Variants in DCDC1 observed in about 807,000 individuals in gnomAD.
DCDC1 encodes the protein doublecortin domain containing 1, also known as doublecortin domain-containing protein 1.
A neutral mutation model predicts 178.3 loss-of-function variants in DCDC1; 200 were observed. The ratio of observed to expected loss-of-function variants is 1.12; its 90% CI spans 1.00 to 1.26. DCDC1 has a LOEUF of 1.26. Among genes scored for constraint, DCDC1 ranks in the 50% most tolerant of loss-of-function variants. The pLI is 0.00. For missense variants in DCDC1, 1,983 were observed against 1,749.2 expected, an observed-to-expected ratio of 1.13 and a Z score of -2.38; for synonymous variants, 690 against 604.8, an observed-to-expected ratio of 1.14 and a Z score of -2.07.
intron 9 of DCDC1, among the ~76,000 whole-genome samples, chr11:31,144,220 C>T (rs1244056811): frequency 2.6e-5 from 4 of 152,068 alleles, no homozygotes; most frequent in Non-Finnish European, 4.4e-5. Context: ...CTGCAACCTC[C>T]GCCTCCCAGG....
intron 20 of DCDC1, among the ~76,000 whole-genome samples, chr11:31,035,828 T>C (rs1426374385): frequency 6.6e-6 from 1 of 152,276 alleles, no homozygotes; most frequent in Admixed American, 6.5e-5. Flanking sequence ...TCTTAATTCC[T>C]TCTACATTTA....
intron 38 of DCDC1, among the ~76,000 whole-genome samples, chr11:30,867,748 C>G (rs1333140141): frequency 6.6e-6 from 1 of 152,104 alleles, no homozygotes; most frequent in Non-Finnish European, 1.5e-5. Flanking sequence ...TGGTGAGCAC[C>G]TGTAGAAAGG....
intron 10 of DCDC1, among the ~76,000 whole-genome samples, chr11:31,135,169 A>AT (rs1260674230): frequency 6.6e-6 from 1 of 152,184 alleles, no homozygotes; most frequent in African/African-American, 2.4e-5. Context: ...TAAATCTCAG[A>AT]TTTTATGATG....
intron 38 of DCDC1, among the ~76,000 whole-genome samples, chr11:30,874,473 A>G (rs1353860239): frequency 6.6e-6 from 1 of 152,194 alleles, no homozygotes; most frequent in East Asian, 1.9e-4. Context: ...TAGAGGAGAA[A>G]AGCCAGGAAG....
intron 23 of DCDC1, among the ~76,000 whole-genome samples, chr11:30,924,486 T>C (rs561113175): frequency 1.3e-5 from 2 of 152,230 alleles, no homozygotes. Flanking sequence ...TTCAAACCAA[T>C]GCCTCAAATT....
chr11:31,107,847 C>T (rs1027737816), intron 12 of DCDC1, among the ~76,000 whole-genome samples: 9 of 152,302 alleles, frequency 5.9e-5, no homozygotes, highest in African/African-American at 9.6e-5. Flanking sequence ...CTTTTCATCT[C>T]TCCCTTGTCA....
chr11:31,137,244 G>A (rs183241704), intron 10 of DCDC1, among the ~76,000 whole-genome samples: 129 of 151,792 alleles, frequency 8.5e-4, no homozygotes, highest in South Asian at 2.5e-3. Flanking sequence ...AATGATACCC[G>A]GTTGTGATCA....
rs748190971 is a variant in DCDC1 at position 30,903,576 on chromosome 11, A to C, written c.4416T>G (p.Ala1472=). The stretch of plus-strand genomic sequence containing the variant: ...CTCTCTGGAGAAAGGATTCATCTAG[A>C]GCCCATAAAACCAAATCACGCAAGG... ...IFTLRDLVLW[A]LDESFLQRDS... Residue 1472 remains alanine, a synonymous_variant, in exon 32 of 39, where the codon GCT becomes GCG. Transcript: ENST00000684477. The C allele has an allele frequency of 3.1e-6, 5 of 1,609,786 alleles. No individual in the cohort carries two copies. In the South Asian group the frequency reaches 5.6e-5, roughly 18 times the overall value.
intron 20 of DCDC1, among the ~76,000 whole-genome samples, chr11:31,024,515 GT>G (rs1327989423): frequency 6.6e-6 from 1 of 151,790 alleles, no homozygotes; most frequent in South Asian, 2.1e-4. Context: ...TCTTATGTGT[GT>G]TTTTCCCATT....
intron 20 of DCDC1, among the ~76,000 whole-genome samples, chr11:30,971,484 A>G (rs1272249388): frequency 6.6e-6 from 1 of 152,086 alleles, no homozygotes; most frequent in African/African-American, 2.4e-5. Context: ...TTACAAAAGA[A>G]CCAAACAAAT....
At chr11:31,307,985 G>A (rs1215435449) in intron 3 of DCDC1, 77 bp from the exon 4 acceptor site, 3 of 1,566,482 alleles carry the variant, frequency 1.9e-6, no homozygotes, top group Admixed American at 3.4e-5. Flanking sequence ...ATAATAACGA[G>A]TTGTGTGCTA....
chr11:30,998,183 T>G (rs1379263931), intron 20 of DCDC1, among the ~76,000 whole-genome samples: 1 of 152,108 alleles, frequency 6.6e-6, no homozygotes, highest in Non-Finnish European at 1.5e-5. Context: ...TCCTAGCTAC[T>G]CAGGGGGCTG....
Position 30,952,497 on chromosome 11 carries a change from CAT to C in DCDC1, c.2661_2662del (p.Trp888GlufsTer16). ...AGGCCACATGTAGGTAAGCTTGTTC[CAT>C]AGAGGATTTTCAACTCTAGAATGTT... is the stretch of plus-strand genomic sequence containing the variant. On this transcript the variant is annotated frameshift_variant, in exon 21 of 39. Coordinates refer to ENST00000684477, the MANE Select transcript of DCDC1 (RefSeq NM_001387274.1). LOFTEE classifies it high-confidence loss of function. The C allele has an allele frequency of 6.3e-7, 1 of 1,586,698 alleles. No homozygotes were observed. The highest frequency in any genetic ancestry group is 1.1e-5 in the South Asian group (1 of 89,468).
intron 17 of DCDC1, among the ~76,000 whole-genome samples, chr11:31,087,731 T>A (rs559180528): frequency 5.4e-4 from 82 of 152,274 alleles, no homozygotes; most frequent in Non-Finnish European, 8.8e-4. Flanking sequence ...TTTAAACTTG[T>A]TTCATAGCCA....
chr11:31,132,285 A>C (rs1052094133), intron 10 of DCDC1, among the ~76,000 whole-genome samples: 1 of 152,176 alleles, frequency 6.6e-6, no homozygotes, highest in African/African-American at 2.4e-5. Flanking sequence ...TTACATATTC[A>C]TAAGGTCTTT....
intron 8 of DCDC1, among the ~76,000 whole-genome samples, chr11:31,253,004 AT>A (rs1419734760): frequency 6.6e-6 from 1 of 152,148 alleles, no homozygotes; most frequent in Non-Finnish European, 1.5e-5. Context: ...CTGAAAAAAA[AT>A]AGTCATTATC....
chr11:31,133,465 T>C (rs1002070177), intron 10 of DCDC1, among the ~76,000 whole-genome samples: 1 of 152,196 alleles, frequency 6.6e-6, no homozygotes, highest in Non-Finnish European at 1.5e-5. Context: ...TATTTTAAAC[T>C]GCCTAAAATC....
In DCDC1 at chr11:30,944,021, GTGT is replaced by G. The variant is rs1317438656; in HGVS notation, c.2715+8421_2715+8423del. ...CAGGAGAATTGGAGTCTCACTCAGG[GTGT>G]TGTTTGTTAGATGGTTTTCCTAGAT... On this transcript the variant is annotated intron_variant, in intron 21 of 38. Coordinates refer to ENST00000684477, the MANE Select transcript of DCDC1 (RefSeq NM_001387274.1). The G allele has an allele frequency of 5.4e-5, 14 of 258,094 alleles. No individual in the cohort carries two copies. The East Asian group carries it at 7.2e-4, about 13-fold the overall frequency. 16.0% of individuals were successfully genotyped at this position (258,094 alleles called of 1,614,324 possible).
rs189410234 is a variant in DCDC1 at position 30,904,506 on chromosome 11, C to G, written c.4308+455G>C. On this transcript the variant is annotated intron_variant, in intron 31 of 38. Transcript: ENST00000684477. ...GCAGACCAGGTAGTTCCTCCTAACA[C>G]AGCCCCTGCTTCCCCAATTTGAAAA... 1.1e-4 allele frequency: 20 copies of G among 176,804 alleles called. No individual in the cohort carries two copies. The East Asian group carries it at 2.7e-3, about 23-fold the overall frequency. The allele number at this position is 176,804 out of a possible 1,614,324, so 11.0% of individuals were successfully genotyped here. A position where few individuals can be genotyped will look rare whatever the true frequency, so the allele number is the denominator to read the frequency against.
Sources: gnomAD v4.1 joint callset for allele counts (sites outside exome capture counted in the v4.1 genomes callset) on GRCh38, gnomAD v4.1.1 for gene constraint, MANE v1.5 for transcripts, NCBI Gene and HGNC (gene_info 2026-07-23, HGNC 2026-07-21) for gene names.